Variants in TMPRSS4 observed in about 807,000 individuals in gnomAD.
TMPRSS4 encodes the protein transmembrane protease serine 4.
Under a neutral mutation model 56.4 loss-of-function variants are expected in TMPRSS4, and 45 were observed. That is an observed-to-expected ratio of 0.80 (90% CI 0.63 to 1.02). The LOEUF is 1.02. Ranked by LOEUF, TMPRSS4 falls within the 50% of genes least tolerant of loss-of-function variation. The pLI is 0.00. For missense variants in TMPRSS4, 546 were observed against 556.7 expected (o/e 0.98, Z 0.19); for synonymous variants, 205 against 211.0 (o/e 0.97, Z 0.25).
rs1020410261 is a variant in TMPRSS4, at chr11:118,117,821, G to T, written c.1303-81G>T. The stretch of plus-strand genomic sequence containing the variant: ...AGAGAAGCAAAGTGTTTCAGAAAAG[G>T]AAGACTCACGTTACACATGTCACCA... On this transcript the variant is annotated intron_variant, in intron 12 of 12. Coordinates refer to ENST00000437212, the MANE Select transcript of TMPRSS4 (RefSeq NM_019894.4). The T allele has an allele frequency of 3.7e-6, 6 of 1,613,286 alleles. No individual in the cohort carries two copies. The African/African-American group carries it at 5.3e-5, about 14-fold the overall frequency.
chr11:118,079,414 G>A (rs1406416234), intron 1 of TMPRSS4, among the ~76,000 whole-genome samples: 2 of 152,094 alleles, frequency 1.3e-5, no homozygotes, highest in South Asian at 4.1e-4. Context: ...CCATTAAGCT[G>A]GGTATTCCTA....
At chr11:118,087,729 T>A (rs752854468) in intron 1 of TMPRSS4, 1 of 152,248 alleles carries the variant, frequency 6.6e-6, no homozygotes, top group Non-Finnish European at 1.5e-5. Flanking sequence ...TGTTTGCTTT[T>A]TGGAGCTGAG....
intron 1 of TMPRSS4, among the ~76,000 whole-genome samples, chr11:118,081,654 C>T (rs1945149824): frequency 6.6e-6 from 1 of 152,204 alleles, no homozygotes; most frequent in South Asian, 2.1e-4. Flanking sequence ...AAATGTCCTG[C>T]ACATCAGTCT....
chr11:118,124,066 A>T (rs1947847369), downstream of TMPRSS4, among the ~76,000 whole-genome samples: 1 of 152,190 alleles, frequency 6.6e-6, no homozygotes, highest in South Asian at 2.1e-4. Flanking sequence ...TATTTGGGGT[A>T]AAATGATGCA....
chr11:118,091,096 C>T (rs1039397438), intron 1 of TMPRSS4, among the ~76,000 whole-genome samples: 1 of 152,174 alleles, frequency 6.6e-6, no homozygotes, highest in African/African-American at 2.4e-5. Context: ...TTCCCTGCTC[C>T]ACCAACCACT....
intron 3 of TMPRSS4, chr11:118,099,315 A>C: frequency 2.4e-6 from 1 of 419,010 alleles, no homozygotes. Flanking sequence ...CTTGTCCTTC[A>C]CCCCCTCAGT....
chr11:118,102,317 C>T (rs781429732), intron 3 of TMPRSS4, among the ~76,000 whole-genome samples: 4 of 152,228 alleles, frequency 2.6e-5, no homozygotes, highest in Non-Finnish European at 5.9e-5. Context: ...ATACCACATG[C>T]TCTCAACAGC....
chr11:118,125,417 C>T, downstream of TMPRSS4: 2 of 453,598 alleles, frequency 4.4e-6, no homozygotes, highest in Admixed American at 2.4e-5. Context: ...CCTGTGTTTG[C>T]TTTCTCTCAT....
rs1046566596 is a variant in TMPRSS4 at position 118,077,145 on chromosome 11, A to C, written c.-158A>C. 57 of 771,558 alleles carry C rather than the reference A, an allele frequency of 7.4e-5. 1 individual carries two copies. Among genetic ancestry groups the C allele is most frequent in the Non-Finnish European group, 1.0e-4 (50 of 492,744 alleles). 47.8% of individuals were successfully genotyped at this position (771,558 alleles called of 1,614,324 possible). The stretch of plus-strand genomic sequence containing the variant: ...ACAAGGATGCTGGGCGTGAGGGACC[A>C]AGGCCTGCCCTGCACTCGGGCCTCC... On this transcript the variant is annotated 5_prime_UTR_variant, in exon 1 of 13. Transcript: ENST00000437212.
intron 1 of TMPRSS4, among the ~76,000 whole-genome samples, chr11:118,094,179 A>G (rs1946155518): frequency 6.6e-6 from 1 of 152,222 alleles, no homozygotes; most frequent in Non-Finnish European, 1.5e-5. Flanking sequence ...TCAGAGAATC[A>G]TAAAATACTT....
chr11:118,078,074 T>G (rs1009378926), intron 1 of TMPRSS4, among the ~76,000 whole-genome samples: 2 of 141,626 alleles, frequency 1.4e-5, no homozygotes, highest in Admixed American at 7.1e-5. Flanking sequence ...AGTGCAGAGA[T>G]GCCTCCAAAC....
chr11:118,108,228 C>T (rs1371064055), intron 6 of TMPRSS4: 1 of 204,712 alleles, frequency 4.9e-6, no homozygotes, highest in Non-Finnish European at 9.9e-6. Context: ...TCCAAAGTCA[C>T]TTTGTCCTTC....
At chr11:118,117,093 C>T (rs977990608) in intron 11 of TMPRSS4, among the ~76,000 whole-genome samples, 1 of 152,198 alleles carries the variant, frequency 6.6e-6, no homozygotes, top group Admixed American at 6.5e-5. Context: ...AGGCTAACGG[C>T]ATGCTTGCAA....
chr11:118,083,231 T>C (rs1379904962), intron 1 of TMPRSS4, among the ~76,000 whole-genome samples: 1 of 152,266 alleles, frequency 6.6e-6, no homozygotes. Context: ...AAAGACTTTC[T>C]GTAACTTCCC....
intron 7 of TMPRSS4, among the ~76,000 whole-genome samples, chr11:118,111,304 G>C (rs1947264581): frequency 6.6e-6 from 1 of 152,174 alleles, no homozygotes; most frequent in Non-Finnish European, 1.5e-5. Context: ...ACTTGGAGAA[G>C]GGGGAGTTTT....
intron 4 of TMPRSS4, 74 bp downstream of exon 4, chr11:118,103,327 A>G: frequency 6.5e-7 from 1 of 1,535,278 alleles, no homozygotes; most frequent in Non-Finnish European, 8.8e-7. Context: ...GGCCCACTGC[A>G]TAGTATCTGC....
intron 1 of TMPRSS4, among the ~76,000 whole-genome samples, chr11:118,081,791 A>G (rs1005493926): frequency 3.4e-5 from 5 of 148,644 alleles, no homozygotes; most frequent in African/African-American, 1.2e-4. Context: ...TTCCCTGAGC[A>G]TCTACTATGT....
At chr11:118,099,153 C>A (rs1394424945) in intron 3 of TMPRSS4, 55 bp downstream of exon 3, 5 of 1,435,462 alleles carry the variant, frequency 3.5e-6, no homozygotes, top group East Asian at 2.3e-5. Flanking sequence ...CAGGGCCCAA[C>A]CCCCACCCCC....
At chr11:118,089,484 C>A (rs1051601591) in intron 1 of TMPRSS4, among the ~76,000 whole-genome samples, 1 of 152,112 alleles carries the variant, frequency 6.6e-6, no homozygotes, top group African/African-American at 2.4e-5. Context: ...TTGGTCCATG[C>A]AGGGCCCATT....
Sources: allele counts gnomAD v4.1 joint callset (sites outside exome capture counted in the v4.1 genomes callset), GRCh38; gene constraint gnomAD v4.1.1; transcripts MANE v1.5; gene names NCBI Gene and HGNC (gene_info 2026-07-23, HGNC 2026-07-21).